The following ZRANB1 variants were observed in gnomAD, a reference collection of about 807,000 sequenced individuals.
ZRANB1 encodes ubiquitin thioesterase ZRANB1.
ZRANB1 carries 16 observed loss-of-function variants against 80.5 expected under a neutral mutation model. That is an observed-to-expected ratio of 0.20 (90% CI 0.13 to 0.30). ZRANB1 has a LOEUF of 0.30. Ranked by LOEUF, ZRANB1 falls within the 10% of genes least tolerant of loss-of-function variation. The pLI, the probability that ZRANB1 is intolerant of heterozygous loss-of-function variation, is 1.00. For missense variants in ZRANB1, 576 were observed against 862.6 expected (o/e 0.67, Z 4.16); for synonymous variants, 291 against 293.1 (o/e 0.99, Z 0.07).
chr10:124,932,759 C>T, the ZRANB1 span, among the ~76,000 whole-genome samples: 30 of 145,824 alleles, frequency 2.1e-4, no homozygotes, highest in East Asian at 4.1e-4. Context: ...GACAGGGTTT[C>T]ACCATGTTGG....
chr10:124,940,605 T>C, upstream of ZRANB1: 1 of 1,165,942 alleles, frequency 8.6e-7, no homozygotes, highest in Non-Finnish European at 1.1e-6. Context: ...GTGATTTTTT[T>C]TTCTTCTTAG....
At chr10:124,949,555 T>C (rs1229510681) in intron 1 of ZRANB1, among the ~76,000 whole-genome samples, 1 of 145,824 alleles carries the variant, frequency 6.9e-6, no homozygotes, top group Non-Finnish European at 1.5e-5. Flanking sequence ...AGGATCTTGC[T>C]CTGTTGCCCA....
At chr10:124,979,871 A>T (rs1589856120) in intron 5 of ZRANB1, among the ~76,000 whole-genome samples, 1 of 152,130 alleles carries the variant, frequency 6.6e-6, no homozygotes, top group African/African-American at 2.4e-5. Flanking sequence ...TTTTCTATTG[A>T]TTTATTTTTC....
In ZRANB1 at chr10:124,983,437, A is replaced by G. The variant is rs1224964285; in HGVS notation, c.1679-22A>G. ...GCTCTTTCTTCCTGTGACTGTTGGG[A>G]TTTTCTTCCCTCTCTTTCCAGGTGT... On this transcript the variant is annotated intron_variant, in intron 7 of 8. Transcript: ENST00000359653. This position sits in a 1 kb window ranked among gnomAD's most constrained non-coding sequence, Gnocchi z 6.2. The G allele has an allele frequency of 5.6e-6, 9 of 1,600,680 alleles. No individual in the cohort carries two copies. In the South Asian group the frequency reaches 1.0e-4, roughly 18 times the overall value.
At chr10:124,927,292 A>C in the ZRANB1 span, among the ~76,000 whole-genome samples, 1 of 152,362 alleles carries the variant, frequency 6.6e-6, no homozygotes, top group African/African-American at 2.4e-5. Flanking sequence ...ATTGCAAGGC[A>C]GGATTCCCTG....
the ZRANB1 span, among the ~76,000 whole-genome samples, chr10:124,918,055 T>C: frequency 9.9e-5 from 15 of 152,200 alleles, no homozygotes; most frequent in African/African-American, 3.6e-4. Flanking sequence ...GTCAGTTGAT[T>C]ACCCTTTTCT....
At chr10:124,966,010 A>G (rs997361664) in intron 1 of ZRANB1, among the ~76,000 whole-genome samples, 2 of 152,166 alleles carry the variant, frequency 1.3e-5, no homozygotes, top group African/African-American at 4.8e-5. Context: ...ATAATTCTTA[A>G]TGGATATAAG....
chr10:124,977,711 G>GAAA (rs752296814), intron 5 of ZRANB1, among the ~76,000 whole-genome samples: 4,389 of 48,452 alleles, frequency 0.091, 240 homozygotes, highest in Non-Finnish European at 0.14. Context: ...ACCCTGCTAA[G>GAAA]AAAAAAAAAA....
chr10:124,953,930 T>A (rs1490982702), intron 1 of ZRANB1, among the ~76,000 whole-genome samples: 2 of 152,070 alleles, frequency 1.3e-5, no homozygotes, highest in Non-Finnish European at 2.9e-5. Flanking sequence ...AAGATACTCT[T>A]CTGATTTAGT....
At chr10:124,951,677 C>G (rs1951639814) in intron 1 of ZRANB1, among the ~76,000 whole-genome samples, 1 of 152,210 alleles carries the variant, frequency 6.6e-6, no homozygotes. Context: ...ACACCATCTG[C>G]TGGTCGCGGT....
At chr10:124,947,133 A>G (rs929133022) in intron 1 of ZRANB1, among the ~76,000 whole-genome samples, 3 of 152,206 alleles carry the variant, frequency 2.0e-5, no homozygotes, top group Non-Finnish European at 2.9e-5. Flanking sequence ...TAAGTTTCAC[A>G]TAAGTCATAT....
rs1203905531 is a variant in ZRANB1, at chr10:124,985,509, CTTTTA to C, written c.*525_*529del. On this transcript the variant is annotated 3_prime_UTR_variant, in exon 9 of 9. Coordinates refer to ENST00000359653, the MANE Select transcript of ZRANB1 (RefSeq NM_017580.3). ...TTATCCACAGCAAAACAAAAATAAG[CTTTTA>C]TTTTATTAATAATTTCGTTCCTCTT... 1.3e-5 allele frequency: 2 copies of C among 152,652 alleles called. No homozygotes were observed. Among genetic ancestry groups the C allele is most frequent in the African/African-American group, 4.8e-5 (2 of 41,420 alleles). The allele number at this position is 152,652 out of a possible 1,614,324, so 9.5% of individuals were successfully genotyped here.
Position 124,972,100 on chromosome 10 carries a change from A to G in ZRANB1, c.1138A>G (p.Thr380Ala). Reference sequence around the variant, plus strand: ...TTGCTATTTTCTGACTGACCTTGTAACATTTACATTGCCAGCAGGTAACTC... The same window carrying G: ...TTGCTATTTTCTGACTGACCTTGTAGCATTTACATTGCCAGCAGGTAACTC... ...FACYFLTDLVTFTLPADIEDL... is the reference protein window; with the variant it reads ...FACYFLTDLVAFTLPADIEDL... The change falls in exon 3 of 9, where the codon ACA (threonine) becomes GCA (alanine). Residue 380 changes from threonine to alanine, a missense_variant. Physicochemically the swap from Thr to Ala is moderately conservative, Grantham distance 58 (BLOSUM62 0). This residue lies in a region of ZRANB1 where 411 missense variants were observed against 583.1 expected (regional missense o/e 0.70). Transcript: ENST00000359653. The G allele has an allele frequency of 6.2e-7, 1 of 1,612,110 alleles. No homozygotes were observed. The highest frequency in any genetic ancestry group is 8.5e-7 in the Non-Finnish European group (1 of 1,179,452).
At chr10:124,982,681 A>G (rs2133998766) in intron 6 of ZRANB1, among the ~76,000 whole-genome samples, 1 of 152,326 alleles carries the variant, frequency 6.6e-6, no homozygotes, top group East Asian at 1.9e-4. Context: ...GTTGATTTAC[A>G]TGAGACATGT....
the ZRANB1 span, among the ~76,000 whole-genome samples, chr10:124,919,079 A>T: frequency 6.6e-6 from 1 of 152,176 alleles, no homozygotes. Context: ...CCATGTCTGT[A>T]CACTGATAGG....
chr10:124,981,654 A>G (rs1951935011), intron 5 of ZRANB1, 55 bp from the exon 6 acceptor site: 1 of 1,447,630 alleles, frequency 6.9e-7, no homozygotes, highest in Admixed American at 2.3e-5. Flanking sequence ...AGAACTTTAA[A>G]TGTTTTATTT....
chr10:124,943,061 G>A lies in ZRANB1; in HGVS notation c.568G>A (p.Glu190Lys). 6.2e-7 allele frequency: 1 copy of A among 1,614,204 alleles called. No individual in the cohort carries two copies. The highest frequency in any genetic ancestry group is 2.2e-5 in the East Asian group (1 of 44,890). ...AGCAATAGAATTGGCAGAGACTGAA[G>A]AGGCTTCTTCAATAATAAATGAGCA... ...IEAIELAETE[E>K]ASSIINEQDR... The change falls in exon 1 of 9, where the codon GAG becomes AAG. Residue 190 changes from glutamate to lysine, a missense_variant. Physicochemically the swap from Glu to Lys is moderately conservative, Grantham distance 56. Coordinates refer to ENST00000359653, the MANE Select transcript of ZRANB1 (RefSeq NM_017580.3).
chr10:124,978,403 T>C (rs1420850110), intron 5 of ZRANB1, among the ~76,000 whole-genome samples: 1 of 152,228 alleles, frequency 6.6e-6, no homozygotes, highest in African/African-American at 2.4e-5. Flanking sequence ...AGCAATTTTC[T>C]TTTATTTGAA....
chr10:124,985,108 C>A lies in ZRANB1; in HGVS notation c.*116C>A. The A allele has an allele frequency of 1.3e-6, 1 of 786,684 alleles. No homozygotes were observed. The highest frequency in any genetic ancestry group is 2.0e-6 in the Non-Finnish European group (1 of 490,096). 48.7% of individuals were successfully genotyped at this position (786,684 alleles called of 1,614,324 possible). On this transcript the variant is annotated 3_prime_UTR_variant, in exon 9 of 9. Coordinates refer to ENST00000359653, the MANE Select transcript of ZRANB1 (RefSeq NM_017580.3). ...AATGAACCAAATCTGGCAGGATCTGCTCGGGGAAGTGTTTTCCTGGACCAC... is the reference window on the plus strand; with the variant it reads ...AATGAACCAAATCTGGCAGGATCTGATCGGGGAAGTGTTTTCCTGGACCAC...
Sources: gnomAD v4.1 joint callset for allele counts (sites outside exome capture counted in the v4.1 genomes callset) on GRCh38, gnomAD v4.1.1 for gene constraint, gnomAD v4.1.1 regional missense constraint, Gnocchi (gnomAD v3.1) non-coding constraint, MANE v1.5 for transcripts, NCBI Gene and HGNC (gene_info 2026-07-23, HGNC 2026-07-21) for gene names.